Variants in ARHGAP26 observed in about 807,000 individuals in gnomAD.
The protein encoded by ARHGAP26 is Rho GTPase activating protein 26.
In ARHGAP26, 38 loss-of-function variants were observed where a neutral mutation model predicts 104.8. That is an observed-to-expected ratio of 0.36 (90% CI 0.28 to 0.48). The LOEUF (loss-of-function observed/expected upper bound fraction) is 0.48. Among genes scored for constraint, ARHGAP26 ranks in the 20% least tolerant of loss-of-function variants. The probability of loss-of-function intolerance (pLI) is 0.99; values close to 1 mark genes in which losing one functional copy is unlikely to be tolerated. For missense variants in ARHGAP26, 704 were observed against 947.9 expected (o/e 0.74, Z 3.38); for synonymous variants, 341 against 340.0 (o/e 1.00, Z -0.03).
chr5:143,149,198 G>A (rs557010010), intron 20 of ARHGAP26, among the ~76,000 whole-genome samples: 2 of 152,258 alleles, frequency 1.3e-5, no homozygotes, highest in East Asian at 3.9e-4. Context: ...GGCTTTCCTG[G>A]GGAAGGGAGG....
rs141750011 is a variant in ARHGAP26 at position 143,191,900 on chromosome 5, G to A, written c.1989-15298G>A. 2.6e-5 allele frequency among the ~76,000 whole-genome samples: 4 copies of A among 152,286 alleles called. No homozygotes were observed. The East Asian group carries it at 7.7e-4, about 29-fold the overall frequency. On this transcript the variant is annotated intron_variant, in intron 20 of 22. Transcript: ENST00000645722. The stretch of plus-strand genomic sequence containing the variant: ...ACAAGTGGCCATATGTGGAGCTGTC[G>A]TGACAACACCAGAATGAGAGCTGTA...
At chr5:142,896,468 A>G (rs35809279) in intron 6 of ARHGAP26, among the ~76,000 whole-genome samples, 3 of 152,188 alleles carry the variant, frequency 2.0e-5, no homozygotes, top group Non-Finnish European at 2.9e-5. Context: ...TCATACAACA[A>G]TAGATGTTTA....
Position 142,812,016 on chromosome 5 carries a change from T to A in ARHGAP26, c.154+41101T>A, listed in dbSNP as rs139697420. 3.3e-3 allele frequency among the ~76,000 whole-genome samples: 509 copies of A among 152,300 alleles called. 5 individuals are homozygous for A. The highest frequency in any genetic ancestry group is 0.012 in the African/African-American group (481 of 41,564). On this transcript the variant is annotated intron_variant, in intron 1 of 22. Coordinates refer to ENST00000645722, the MANE Select transcript of ARHGAP26 (RefSeq NM_001135608.3). Reference sequence around the variant, plus strand: ...GAAATAAGCTTACTCATCACCTAGCTGCTGTGATGAGTTGGCATTCTCATC... The same window carrying A: ...GAAATAAGCTTACTCATCACCTAGCAGCTGTGATGAGTTGGCATTCTCATC...
intron 18 of ARHGAP26, among the ~76,000 whole-genome samples, chr5:143,125,559 G>A (rs1305797615): frequency 1.3e-5 from 2 of 152,084 alleles, no homozygotes; most frequent in Non-Finnish European, 2.9e-5. Flanking sequence ...GCACAATTCT[G>A]GGAAATAAAT....
intron 1 of ARHGAP26, among the ~76,000 whole-genome samples, chr5:142,865,830 C>T (rs901905391): frequency 6.6e-6 from 1 of 152,148 alleles, no homozygotes. Flanking sequence ...TGATTCTAAC[C>T]GGTCTTCCCA....
chr5:142,984,820 G>A (rs1774432234), intron 11 of ARHGAP26, among the ~76,000 whole-genome samples: 1 of 152,048 alleles, frequency 6.6e-6, no homozygotes, highest in Admixed American at 6.6e-5. Context: ...TACAAAAGTA[G>A]AGCACATGCA....
chr5:143,015,668 AC>A (rs1486245636), intron 12 of ARHGAP26, among the ~76,000 whole-genome samples: 4 of 152,110 alleles, frequency 2.6e-5, no homozygotes, highest in Non-Finnish European at 4.4e-5. Context: ...AGATACTCAC[AC>A]CTGGCCCTGC....
chr5:143,043,588 G>A (rs1214816864), intron 14 of ARHGAP26, among the ~76,000 whole-genome samples: 1 of 152,146 alleles, frequency 6.6e-6, no homozygotes, highest in Non-Finnish European at 1.5e-5. Flanking sequence ...GTTGTATGGC[G>A]ATAGGGTCAA....
chr5:142,966,452 A>G (rs991186332), intron 11 of ARHGAP26, among the ~76,000 whole-genome samples: 3 of 152,194 alleles, frequency 2.0e-5, no homozygotes, highest in African/African-American at 7.2e-5. Flanking sequence ...GTATGTGTAA[A>G]TACTTGGCCT....
intron 17 of ARHGAP26, among the ~76,000 whole-genome samples, chr5:143,072,378 A>G (rs1001114718): frequency 6.6e-6 from 1 of 152,196 alleles, no homozygotes; most frequent in Non-Finnish European, 1.5e-5. Context: ...ATACAACAAC[A>G]TGATCCAGCA....
At chr5:143,054,550 C>T in intron 15 of ARHGAP26, 24 bp downstream of exon 15, 4 of 1,520,270 alleles carry the variant, frequency 2.6e-6, no homozygotes, top group African/African-American at 1.4e-5. Context: ...ATTTGCAAGG[C>T]AGAGTGCCAG....
intron 11 of ARHGAP26, among the ~76,000 whole-genome samples, chr5:142,999,177 C>CAGTA (rs1176080641): frequency 6.6e-6 from 1 of 152,156 alleles, no homozygotes; most frequent in African/African-American, 2.4e-5. Flanking sequence ...CCGGGTCCCA[C>CAGTA]AGTAAGGCAG....
At chr5:142,915,613 G>C (rs1453338456) in intron 10 of ARHGAP26, 4 of 152,296 alleles carry the variant, frequency 2.6e-5, no homozygotes, top group African/African-American at 7.2e-5. Flanking sequence ...ACCCACCTTG[G>C]CCTCCCAAAG....
intron 20 of ARHGAP26, among the ~76,000 whole-genome samples, chr5:143,151,586 T>G (rs1799848321): frequency 6.6e-6 from 1 of 152,214 alleles, no homozygotes; most frequent in African/African-American, 2.4e-5. Context: ...TGCTATATTA[T>G]TCAATGATTT....
chr5:143,183,084 A>AAG (rs942623968), intron 20 of ARHGAP26, among the ~76,000 whole-genome samples: 1 of 151,582 alleles, frequency 6.6e-6, no homozygotes, highest in African/African-American at 2.4e-5. Flanking sequence ...AAAAAAAAAA[A>AAG]AAAAAAAGAA....
chr5:142,797,551 G>A (rs1016920664), intron 1 of ARHGAP26, among the ~76,000 whole-genome samples: 18 of 152,190 alleles, frequency 1.2e-4, no homozygotes, highest in African/African-American at 4.1e-4. Flanking sequence ...ATAGCTGTCT[G>A]TGCTCACCCT....
intron 10 of ARHGAP26, chr5:142,915,481 A>C (rs982667873): frequency 6.6e-6 from 1 of 151,100 alleles, no homozygotes; most frequent in Non-Finnish European, 1.5e-5. Flanking sequence ...GCCTCAGCCT[A>C]CCGAGTAGCT....
At chr5:143,049,457 T>C (rs1430758310) in intron 14 of ARHGAP26, among the ~76,000 whole-genome samples, 1 of 152,210 alleles carries the variant, frequency 6.6e-6, no homozygotes, top group Non-Finnish European at 1.5e-5. Context: ...TATTTCAGTC[T>C]GCTACTTGTT....
intron 17 of ARHGAP26, among the ~76,000 whole-genome samples, chr5:143,098,935 G>T (rs917412101): frequency 1.3e-5 from 2 of 152,138 alleles, no homozygotes; most frequent in South Asian, 4.1e-4. Context: ...CACGTCAAAG[G>T]TCTATGAGGC....
Sources: allele counts gnomAD v4.1 joint callset (sites outside exome capture counted in the v4.1 genomes callset), GRCh38; gene constraint gnomAD v4.1.1; transcripts MANE v1.5; gene names NCBI Gene and HGNC (gene_info 2026-07-23, HGNC 2026-07-21).